DNM3: variants seen among roughly 807,000 people sequenced by gnomAD.
DNM3 encodes dynamin 3.
Under a neutral mutation model 101.6 loss-of-function variants are expected in DNM3, and 47 were observed. That is an observed-to-expected ratio of 0.46 (90% CI 0.37 to 0.59). The LOEUF (loss-of-function observed/expected upper bound fraction) is 0.59, where lower values mean the gene tolerates loss of function less well. DNM3 is among the 20% of genes least tolerant of loss of function. The probability of loss-of-function intolerance (pLI) is 0.00; values close to 1 mark genes in which losing one functional copy is unlikely to be tolerated. For missense variants in DNM3, 849 were observed against 1,085.7 expected, an observed-to-expected ratio of 0.78 and a Z score of 3.06; for synonymous variants, 385 against 387.9, an observed-to-expected ratio of 0.99 and a Z score of 0.09.
intron 14 of DNM3, among the ~76,000 whole-genome samples, chr1:172,219,046 T>C (rs917473481): frequency 6.6e-6 from 1 of 152,010 alleles, no homozygotes; most frequent in Non-Finnish European, 1.5e-5. Flanking sequence ...GCATGGTATC[T>C]GGAAGCGTGA....
At chr1:172,081,397 A>G (rs1470306232) in intron 11 of DNM3, among the ~76,000 whole-genome samples, 1 of 152,216 alleles carries the variant, frequency 6.6e-6, no homozygotes, top group Non-Finnish European at 1.5e-5. Flanking sequence ...GAGAGAGAAA[A>G]AAAGAGGTGA....
rs370757351 is a variant in DNM3 at position 171,907,872 on chromosome 1, A to C, written c.162-13876A>C. Among the ~76,000 whole-genome samples the C allele has an allele frequency of 2.6e-5, 4 of 152,328 alleles. No homozygotes were observed. The East Asian group carries it at 5.8e-4, about 22-fold the overall frequency. On this transcript the variant is annotated intron_variant, in intron 1 of 20. Transcript: ENST00000627582. ...AAATTCTCTGCTATGTTCAATGATA[A>C]CTACTTTTTCATGTTGACATACAGA... is the stretch of plus-strand genomic sequence containing the variant.
chr1:172,195,792 C>A (rs1358172555), intron 14 of DNM3, among the ~76,000 whole-genome samples: 1 of 151,554 alleles, frequency 6.6e-6, no homozygotes, highest in Non-Finnish European at 1.5e-5. Context: ...ATGTGTAATT[C>A]TTTTTATGTA....
chr1:172,284,958 G>A lies in DNM3; in HGVS notation c.1770-23770G>A, dbSNP rs564964503. ...TATTGCTAAGTGGGCTAGACTCAGAGGAAGGAATATTCCAGTTGAGGCTGT... is the reference window on the plus strand; with the variant it reads ...TATTGCTAAGTGGGCTAGACTCAGAAGAAGGAATATTCCAGTTGAGGCTGT... On this transcript the variant is annotated intron_variant, in intron 15 of 20. Transcript: ENST00000627582. Among the ~76,000 whole-genome samples, 10 of 152,284 alleles carry A rather than the reference G, an allele frequency of 6.6e-5. No individual in the cohort carries two copies. In the South Asian group the frequency reaches 2.1e-3, roughly 32 times the overall value.
At chr1:171,952,590 T>G (rs1216058763) in intron 2 of DNM3, among the ~76,000 whole-genome samples, 1 of 152,154 alleles carries the variant, frequency 6.6e-6, no homozygotes, top group Admixed American at 6.5e-5. Context: ...GGGATCCATT[T>G]CAATCGGTTG....
chr1:172,014,641 T>C (rs939483485), intron 4 of DNM3, among the ~76,000 whole-genome samples: 3 of 152,164 alleles, frequency 2.0e-5, no homozygotes, highest in Non-Finnish European at 4.4e-5. Flanking sequence ...TTTAATTGAG[T>C]TGTTTCTTGT....
intron 14 of DNM3, among the ~76,000 whole-genome samples, chr1:172,156,115 A>G (rs1181595130): frequency 6.6e-6 from 1 of 152,142 alleles, no homozygotes; most frequent in Non-Finnish European, 1.5e-5. Flanking sequence ...GGAAGCTTTC[A>G]GCATAGTGTC....
chr1:172,034,777 A>G (rs1572185698), intron 6 of DNM3, among the ~76,000 whole-genome samples: 1 of 152,244 alleles, frequency 6.6e-6, no homozygotes, highest in South Asian at 2.1e-4. Flanking sequence ...ACGTTTTTGA[A>G]AAATTGAATG....
intron 15 of DNM3, among the ~76,000 whole-genome samples, chr1:172,262,049 T>C (rs2062676478): frequency 1.3e-5 from 2 of 152,236 alleles, no homozygotes; most frequent in South Asian, 4.1e-4. Flanking sequence ...AGTAGGGTGA[T>C]CCCCAGACCA....
intron 13 of DNM3, among the ~76,000 whole-genome samples, chr1:172,093,159 C>A (rs1572476275): frequency 6.6e-6 from 1 of 152,180 alleles, no homozygotes; most frequent in East Asian, 1.9e-4. Flanking sequence ...GCTTACGTTA[C>A]CCCTAAGTTT....
intron 1 of DNM3, among the ~76,000 whole-genome samples, chr1:171,907,572 A>T (rs530011204): frequency 4.6e-5 from 7 of 151,830 alleles, no homozygotes; most frequent in African/African-American, 1.7e-4. Flanking sequence ...TTTCACATGG[A>T]GAAAATACAG....
chr1:172,405,748 A>G (rs2070836831), intron 20 of DNM3, among the ~76,000 whole-genome samples: 1 of 151,992 alleles, frequency 6.6e-6, no homozygotes, highest in Admixed American at 6.6e-5. Context: ...ATACATTTCC[A>G]TAGGTTACAT....
At chr1:171,995,066 A>G (rs2045902919) in intron 4 of DNM3, among the ~76,000 whole-genome samples, 1 of 144,786 alleles carries the variant, frequency 6.9e-6, no homozygotes, top group Admixed American at 6.9e-5. Flanking sequence ...TTCAAACACC[A>G]TACGGCTTGT....
At chr1:172,229,480 C>T (rs1474222071) in intron 14 of DNM3, among the ~76,000 whole-genome samples, 1 of 152,146 alleles carries the variant, frequency 6.6e-6, no homozygotes, top group Non-Finnish European at 1.5e-5. Flanking sequence ...CAGACAGACA[C>T]ATGCCCAGCT....
chr1:171,925,685 T>G (rs12137825), intron 2 of DNM3, among the ~76,000 whole-genome samples: 23,054 of 152,196 alleles, frequency 0.15, 2,284 homozygotes, highest in South Asian at 0.26. Flanking sequence ...TAGTTTCTTT[T>G]GCAGTGCATA....
rs1573795656 is a variant in DNM3, at chr1:172,411,705, G to A, written c.*3864G>A. The A allele has an allele frequency of 7.1e-6, 7 of 985,232 alleles. No homozygotes were observed. Among genetic ancestry groups the A allele is most frequent in the Non-Finnish European group, 7.2e-6 (6 of 829,800 alleles). The allele number at this position is 985,232 out of a possible 1,614,324, so 61.0% of individuals were successfully genotyped here. On this transcript the variant is annotated 3_prime_UTR_variant, in exon 21 of 21. Coordinates refer to ENST00000627582, the MANE Select transcript of DNM3 (RefSeq NM_015569.5). ...TGGCATAATTATTTGAAAGTGACAG[G>A]AATCTCCTCAGAATGAAGAATAAAG...
At chr1:172,080,094 C>T (rs745430940) in intron 11 of DNM3, among the ~76,000 whole-genome samples, 14 of 152,168 alleles carry the variant, frequency 9.2e-5, no homozygotes, top group Admixed American at 2.6e-4. Context: ...TCAGGAGGCA[C>T]GGAAGTCAGG....
chr1:171,953,822 T>C (rs1327525070), intron 2 of DNM3, among the ~76,000 whole-genome samples: 3 of 152,220 alleles, frequency 2.0e-5, no homozygotes, highest in Non-Finnish European at 4.4e-5. Context: ...CAAGAAGGTT[T>C]AGCTTTAAAA....
chr1:171,898,169 A>G (rs1025525425), intron 1 of DNM3, among the ~76,000 whole-genome samples: 1 of 152,148 alleles, frequency 6.6e-6, no homozygotes, highest in Non-Finnish European at 1.5e-5. Flanking sequence ...TAAAAATGGG[A>G]TCTTTGCCCT....
Sources: gnomAD v4.1 joint callset for allele counts (sites outside exome capture counted in the v4.1 genomes callset) on GRCh38, gnomAD v4.1.1 for gene constraint, MANE v1.5 for transcripts, NCBI Gene and HGNC (gene_info 2026-07-23, HGNC 2026-07-21) for gene names.